Variants in APBB1IP observed in about 807,000 individuals in gnomAD.
APBB1IP encodes the protein amyloid beta A4 precursor protein-binding family B member 1-interacting protein.
A neutral mutation model predicts 64.9 loss-of-function variants in APBB1IP; 27 were observed. The ratio of observed to expected loss-of-function variants is 0.42; its 90% CI spans 0.31 to 0.57. The LOEUF is 0.57. Ranked by LOEUF, APBB1IP falls within the 20% of genes least tolerant of loss-of-function variation. The pLI is 0.20. For synonymous variants in APBB1IP, 392 were observed against 331.0 expected (o/e 1.18, Z -2.00); for missense variants, 812 against 845.5 (o/e 0.96, Z 0.49).
intron 2 of APBB1IP, among the ~76,000 whole-genome samples, chr10:26,467,846 T>C (rs1036401121): frequency 1.3e-5 from 2 of 152,222 alleles, no homozygotes; most frequent in Non-Finnish European, 2.9e-5. Flanking sequence ...CTCACCAAAT[T>C]ACTCAACTAT....
intron 8 of APBB1IP, among the ~76,000 whole-genome samples, chr10:26,521,917 A>AT (rs1193799840): frequency 6.6e-6 from 1 of 151,958 alleles, no homozygotes; most frequent in Non-Finnish European, 1.5e-5. Context: ...TGCCCAGCTA[A>AT]TTTTTGTATT....
chr10:26,492,612 G>T (rs1434113780), intron 3 of APBB1IP, among the ~76,000 whole-genome samples: 1 of 152,080 alleles, frequency 6.6e-6, no homozygotes, highest in African/African-American at 2.4e-5. Flanking sequence ...TTAAAGCTGG[G>T]TGTCCAGGGG....
At chr10:26,555,807 T>C (rs996352572) in intron 11 of APBB1IP, among the ~76,000 whole-genome samples, 1 of 152,184 alleles carries the variant, frequency 6.6e-6, no homozygotes, top group Non-Finnish European at 1.5e-5. Context: ...CTGTGTTGCC[T>C]AGGCTGATCT....
chr10:26,533,611 T>C (rs1836580974), intron 9 of APBB1IP, 86 bp downstream of exon 9: 5 of 796,112 alleles, frequency 6.3e-6, no homozygotes, highest in Non-Finnish European at 5.6e-6. Flanking sequence ...AATGGAAAAA[T>C]CTAAAGACAT....
chr10:26,541,301 T>G (rs1299264528), intron 10 of APBB1IP, among the ~76,000 whole-genome samples: 2 of 152,236 alleles, frequency 1.3e-5, no homozygotes, highest in African/African-American at 2.4e-5. Flanking sequence ...CAAACATTTA[T>G]CATTTCTTTG....
chr10:26,565,871 C>A (rs915534657), intron 14 of APBB1IP, among the ~76,000 whole-genome samples: 2 of 152,248 alleles, frequency 1.3e-5, no homozygotes, highest in Non-Finnish European at 2.9e-5. Flanking sequence ...TGGGTGCCAA[C>A]AAGAGTCCAA....
chr10:26,456,705 C>CTCCA (rs1835529532), intron 2 of APBB1IP, among the ~76,000 whole-genome samples: 1 of 126,642 alleles, frequency 7.9e-6, no homozygotes. Context: ...TGCCACCGCA[C>CTCCA]TCCAGCCTGG....
rs1205966265 is a variant in APBB1IP at position 26,567,161 on chromosome 10, A to G, written c.1674A>G (p.Pro558=). 1 of 1,402,190 alleles carries G rather than the reference A, an allele frequency of 7.1e-7. No individual in the cohort carries two copies. Among genetic ancestry groups the G allele is most frequent in the Admixed American group, 3.1e-5 (1 of 32,038 alleles). The allele number at this position is 1,402,190 out of a possible 1,614,324, so 86.9% of individuals were successfully genotyped here. A position where few individuals can be genotyped will look rare whatever the true frequency, so the allele number is the denominator to read the frequency against. ...APPDDFLPPP[P]PPPPLDDPEL... Reference sequence around the variant, plus strand: ...CCGACGACTTCCTGCCGCCGCCGCCACCGCCGCCGCCCCTCGATGACCCTG... The same window carrying G: ...CCGACGACTTCCTGCCGCCGCCGCCGCCGCCGCCGCCCCTCGATGACCCTG... The change falls in exon 15 of 15, where the codon CCA becomes CCG. Residue 558 remains proline (P), a synonymous_variant. Transcript: ENST00000376236.
At chr10:26,554,111 G>A (rs962735755) in intron 11 of APBB1IP, among the ~76,000 whole-genome samples, 1 of 152,142 alleles carries the variant, frequency 6.6e-6, no homozygotes, top group African/African-American at 2.4e-5. Flanking sequence ...ACATGTCCAA[G>A]GGGTACCTCT....
In APBB1IP at chr10:26,503,202, G is replaced by A; in HGVS notation, c.459G>A (p.Glu153=). The change falls in exon 6 of 15, where the codon GAG becomes GAA. Residue 153 remains glutamate, a synonymous_variant. Transcript: ENST00000376236. The part of the protein sequence containing the change: ...PPPPEPLSQE[E]EEAQAKADKI... ...AATATCTTGCCCTTTTCCAGGAAGA[G>A]GAAGAAGCCCAAGCCAAGGCTGATA... 1 of 1,614,108 alleles carries A rather than the reference G, an allele frequency of 6.2e-7. No homozygotes were observed.
At chr10:26,518,616 G>T (rs1012110978) in intron 8 of APBB1IP, among the ~76,000 whole-genome samples, 1 of 152,130 alleles carries the variant, frequency 6.6e-6, no homozygotes. Context: ...TCCATTCTAG[G>T]GGTTTGTAGT....
chr10:26,446,454 T>C (rs1835399223), intron 2 of APBB1IP, among the ~76,000 whole-genome samples: 1 of 152,148 alleles, frequency 6.6e-6, no homozygotes, highest in Non-Finnish European at 1.5e-5. Context: ...GGGCCATGAA[T>C]GTCGGTAAGT....
At position 26,541,627 on chromosome 10, in the gene APBB1IP, AT is replaced by A. The variant is rs1348139357; in HGVS notation, c.1093del (p.Tyr365ThrfsTer8). On this transcript the variant is annotated frameshift_variant, in exon 11 of 15. Coordinates refer to ENST00000376236, the MANE Select transcript of APBB1IP (RefSeq NM_019043.4). LOFTEE classifies it high-confidence loss of function. ...ACFIQFENVN[I>X]YYGTQHKMKY... is the part of the protein sequence containing the mutation. ...TTTTATACAGTTTGAAAATGTCAAC[AT>A]TTACTATGGGACTCAGCATAAAATG... 1 of 1,612,124 alleles carries A rather than the reference AT, an allele frequency of 6.2e-7. No homozygotes were observed. Among genetic ancestry groups the A allele is most frequent in the Non-Finnish European group, 8.5e-7 (1 of 1,179,576 alleles).
intron 2 of APBB1IP, among the ~76,000 whole-genome samples, chr10:26,474,644 T>G (rs533368335): frequency 6.6e-6 from 1 of 152,222 alleles, no homozygotes; most frequent in African/African-American, 2.4e-5. Flanking sequence ...ATAAGTTTTT[T>G]AAAAAGTAAA....
chr10:26,555,739 C>T (rs1836887096), intron 11 of APBB1IP, among the ~76,000 whole-genome samples: 1 of 152,202 alleles, frequency 6.6e-6, no homozygotes, highest in Non-Finnish European at 1.5e-5. Context: ...GCTGGAACTA[C>T]AGGTGTGTGC....
intron 11 of APBB1IP, among the ~76,000 whole-genome samples, chr10:26,553,196 A>AT (rs1313279788): frequency 6.6e-6 from 1 of 151,864 alleles, no homozygotes; most frequent in Non-Finnish European, 1.5e-5. Context: ...AAATTTTTGT[A>AT]TTTTTAGTAG....
intron 2 of APBB1IP, among the ~76,000 whole-genome samples, chr10:26,444,303 A>G (rs1835368705): frequency 6.6e-6 from 1 of 152,176 alleles, no homozygotes; most frequent in Non-Finnish European, 1.5e-5. Flanking sequence ...GGGGTTCCAG[A>G]GGCCATTATA....
intron 11 of APBB1IP, among the ~76,000 whole-genome samples, chr10:26,544,350 C>T (rs1423812082): frequency 6.6e-6 from 1 of 152,218 alleles, no homozygotes; most frequent in Non-Finnish European, 1.5e-5. Flanking sequence ...GAATCAGTCA[C>T]TGGAGACTCT....
Position 26,479,037 on chromosome 10 carries a change from G to GAACCTAAAA in APBB1IP, c.1-13290_1-13289insAACCTAAAA. ...TAAAAATTGACATATATTCACGCCT[G>GAACCTAAAA]TAATCCCAGCACTTTGGGAGGCCGA... On this transcript the variant is annotated intron_variant, in intron 2 of 14. Transcript: ENST00000376236. Among the ~76,000 whole-genome samples, 2 of 4,076 alleles carry GAACCTAAAA rather than the reference G, an allele frequency of 4.9e-4. 1 individual carries two copies. Among genetic ancestry groups the GAACCTAAAA allele is most frequent in the South Asian group, 0.025 (2 of 80 alleles). 2.7% of individuals were successfully genotyped at this position (4,076 alleles called of 152,430 possible).
Sources: gnomAD v4.1 joint callset for allele counts (sites outside exome capture counted in the v4.1 genomes callset) on GRCh38, gnomAD v4.1.1 for gene constraint, MANE v1.5 for transcripts, NCBI Gene and HGNC (gene_info 2026-07-23, HGNC 2026-07-21) for gene names.